AGBL1: variants seen among roughly 807,000 people sequenced by gnomAD.
AGBL1 encodes AGBL carboxypeptidase 1, also known as cytosolic carboxypeptidase 4.
A neutral mutation model predicts 118.9 loss-of-function variants in AGBL1; 130 were observed. The observed-to-expected ratio is 1.09, with a 90% CI of 0.95 to 1.26. The LOEUF (loss-of-function observed/expected upper bound fraction) is 1.26, where lower values mean the gene tolerates loss of function less well. AGBL1 is among the 50% of genes most tolerant of loss of function. The pLI is 0.00. For synonymous variants in AGBL1, 555 were observed against 478.9 expected (o/e 1.16, Z -2.08); for missense variants, 1,584 against 1,298.1 (o/e 1.22, Z -3.38).
intron 22 of AGBL1, among the ~76,000 whole-genome samples, chr15:86,843,089 A>T (rs1014485800): frequency 2.0e-5 from 3 of 152,126 alleles, no homozygotes; most frequent in Non-Finnish European, 2.9e-5. Context: ...AGTGGCTCTC[A>T]CTCAAAACTA....
At chr15:86,556,323 T>C in intron 21 of AGBL1, 6 of 1,558,564 alleles carry the variant, frequency 3.8e-6, no homozygotes, top group Non-Finnish European at 5.3e-6. Flanking sequence ...ATTTTCCAAA[T>C]GGCTTTTGCA....
chr15:86,724,803 A>G (rs1248507869), intron 22 of AGBL1, among the ~76,000 whole-genome samples: 2 of 151,742 alleles, frequency 1.3e-5, no homozygotes, highest in Non-Finnish European at 2.9e-5. Context: ...AGTGTGTGGC[A>G]CCTCCGTCTT....
At chr15:86,132,484 T>G (rs561259503) in intron 1 of AGBL1, among the ~76,000 whole-genome samples, 377 of 152,312 alleles carry the variant, frequency 2.5e-3, no homozygotes, top group African/African-American at 8.9e-3. Context: ...TAGAATCCTT[T>G]TAGAAAAGCT....
chr15:86,593,922 T>A (rs1596297598), intron 21 of AGBL1, among the ~76,000 whole-genome samples: 1 of 144,854 alleles, frequency 6.9e-6, no homozygotes, highest in Admixed American at 6.9e-5. Flanking sequence ...CACTGATTGA[T>A]TTTTTTTTTT....
At chr15:86,295,516 A>G (rs2079621313) in intron 17 of AGBL1, 108 bp downstream of exon 17, 8 of 1,178,202 alleles carry the variant, frequency 6.8e-6, no homozygotes, top group Non-Finnish European at 4.6e-6. Flanking sequence ...AGGGTTGGAG[A>G]CTGTCTGTCT....
chr15:86,506,066 A>G (rs922252708), intron 18 of AGBL1, among the ~76,000 whole-genome samples: 2 of 152,072 alleles, frequency 1.3e-5, no homozygotes, highest in Non-Finnish European at 2.9e-5. Context: ...GTATTCTGTA[A>G]CTAATAAGTC....
intron 22 of AGBL1, among the ~76,000 whole-genome samples, chr15:86,751,918 G>C (rs2077859939): frequency 6.6e-6 from 1 of 152,064 alleles, no homozygotes; most frequent in Admixed American, 6.6e-5. Flanking sequence ...CAGAATTTTA[G>C]AGATGTTCAT....
chr15:86,465,756 CTGTT>C (rs1476809466), intron 18 of AGBL1, among the ~76,000 whole-genome samples: 1 of 152,184 alleles, frequency 6.6e-6, no homozygotes, highest in African/African-American at 2.4e-5. Context: ...TTCTCAAACA[CTGTT>C]TGTTTCCTGT....
At chr15:86,758,998 A>G in intron 22 of AGBL1, among the ~76,000 whole-genome samples, 1 of 151,602 alleles carries the variant, frequency 6.6e-6, no homozygotes, top group African/African-American at 2.4e-5. Context: ...AAAAAAAAGA[A>G]AAGAATTTAA....
At chr15:86,376,729 A>T (rs1422859207) in intron 17 of AGBL1, among the ~76,000 whole-genome samples, 3 of 152,198 alleles carry the variant, frequency 2.0e-5, no homozygotes, top group Non-Finnish European at 4.4e-5. Flanking sequence ...GGGCTAGAGC[A>T]TGGCTCAAGC....
chr15:87,027,969 A>G (rs2081750430), intron 24 of AGBL1, among the ~76,000 whole-genome samples: 1 of 152,040 alleles, frequency 6.6e-6, no homozygotes, highest in Non-Finnish European at 1.5e-5. Flanking sequence ...TGATCTGTGC[A>G]GCAAACCACC....
intron 1 of AGBL1, among the ~76,000 whole-genome samples, chr15:86,088,883 T>A (rs1293527981): frequency 6.6e-6 from 1 of 152,172 alleles, no homozygotes; most frequent in Non-Finnish European, 1.5e-5. Context: ...TTCTCTAATA[T>A]TTGTTTTTGT....
chr15:86,810,782 A>G (rs931633539), intron 22 of AGBL1, among the ~76,000 whole-genome samples: 1 of 152,130 alleles, frequency 6.6e-6, no homozygotes, highest in Non-Finnish European at 1.5e-5. Flanking sequence ...TAAAACATCC[A>G]TAAGCTCAAC....
intron 1 of AGBL1, among the ~76,000 whole-genome samples, chr15:86,123,447 C>T (rs548762064): frequency 4.6e-5 from 7 of 152,270 alleles, no homozygotes; most frequent in African/African-American, 1.7e-4. Context: ...ACCATGTTGG[C>T]CAGGCTGCTC....
chr15:86,105,428 G>C (rs1412455499), intron 1 of AGBL1: 2 of 152,228 alleles, frequency 1.3e-5, no homozygotes, highest in Admixed American at 6.5e-5. Flanking sequence ...ACAAACTCAT[G>C]TTAGCGGGGC....
At chr15:86,224,765 A>G in intron 5 of AGBL1, 149 bp from the exon 6 acceptor site, 1 of 739,814 alleles carries the variant, frequency 1.4e-6, no homozygotes, top group Non-Finnish European at 2.4e-6. Context: ...TGCCTCTTTA[A>G]TGGTCAGCGG....
At chr15:86,486,832 C>T (rs947515012) in intron 18 of AGBL1, among the ~76,000 whole-genome samples, 1 of 151,978 alleles carries the variant, frequency 6.6e-6, no homozygotes, top group Non-Finnish European at 1.5e-5. Context: ...TGCATTTGCC[C>T]TACTCCTGCC....
chr15:86,451,129 G>C (rs887203207), intron 18 of AGBL1, among the ~76,000 whole-genome samples: 1 of 152,136 alleles, frequency 6.6e-6, no homozygotes, highest in Non-Finnish European at 1.5e-5. Context: ...ATTTTTGTAT[G>C]CCTTGAGATT....
At chr15:86,371,542 A>G (rs1394391451) in intron 17 of AGBL1, among the ~76,000 whole-genome samples, 1 of 152,182 alleles carries the variant, frequency 6.6e-6, no homozygotes, top group East Asian at 1.9e-4. Context: ...TAACATACAC[A>G]CATATACATA....
Sources: allele counts gnomAD v4.1 joint callset (sites outside exome capture counted in the v4.1 genomes callset), GRCh38; gene constraint gnomAD v4.1.1; transcripts MANE v1.5; gene names NCBI Gene and HGNC (gene_info 2026-07-23, HGNC 2026-07-21).